Variants in COL25A1 observed in about 807,000 individuals in gnomAD.
COL25A1 encodes the protein collagen type XXV alpha 1 chain, also known as collagen alpha-1(XXV) chain.
In COL25A1, 103 loss-of-function variants were observed where a neutral mutation model predicts 128.4. The ratio of observed to expected loss-of-function variants is 0.80; its 90% CI spans 0.68 to 0.94. The LOEUF (loss-of-function observed/expected upper bound fraction) is 0.94. Among genes scored for constraint, COL25A1 ranks in the 40% least tolerant of loss-of-function variants. The probability of loss-of-function intolerance (pLI) is 0.00; values close to 1 mark genes in which losing one functional copy is unlikely to be tolerated. For missense variants in COL25A1, 745 were observed against 840.0 expected (o/e 0.89, Z 1.40); for synonymous variants, 279 against 277.2 (o/e 1.01, Z -0.06).
chr4:109,027,020 T>G (rs942966500), intron 5 of COL25A1, among the ~76,000 whole-genome samples: 2 of 152,198 alleles, frequency 1.3e-5, no homozygotes, highest in Non-Finnish European at 2.9e-5. Flanking sequence ...GTGAGAGGAA[T>G]AAAATTGATT....
Position 108,984,685 on chromosome 4 carries a change from G to A in COL25A1, c.439-10126C>T, listed in dbSNP as rs547692312. On this transcript the variant is annotated intron_variant, in intron 6 of 37. Transcript: ENST00000399132. ...GAGCCCACGCCCACCCGGAACTCCC[G>A]CTGGCCCGCAAGCACCGCGCGCAGC... 2.4e-3 allele frequency among the ~76,000 whole-genome samples: 370 copies of A among 152,316 alleles called. 2 individuals are homozygous for A. Among genetic ancestry groups the A allele is most frequent in the African/African-American group, 8.2e-3 (342 of 41,588 alleles).
intron 3 of COL25A1, among the ~76,000 whole-genome samples, chr4:109,269,557 A>G (rs1782051520): frequency 6.7e-6 from 1 of 149,818 alleles, no homozygotes; most frequent in African/African-American, 2.5e-5. Flanking sequence ...CAACAGTGTA[A>G]AAGTGTTCCT....
rs753318744 is a variant in COL25A1 at position 108,846,127 on chromosome 4, G to A, written c.1515+12C>T. The stretch of plus-strand genomic sequence containing the variant: ...TATAAAAAGTATAAACAAACAGAAA[G>A]TATAAACATACCGGTAATCCAGGAA... On this transcript the variant is annotated intron_variant, in intron 28 of 37. Coordinates refer to ENST00000399132, the MANE Select transcript of COL25A1 (RefSeq NM_198721.4). 12 of 1,556,220 alleles carry A rather than the reference G, an allele frequency of 7.7e-6. No individual in the cohort carries two copies. In the Admixed American group the frequency reaches 1.8e-4, roughly 24 times the overall value.
chr4:109,202,504 A>G (rs1285795699), intron 3 of COL25A1, among the ~76,000 whole-genome samples: 1 of 152,204 alleles, frequency 6.6e-6, no homozygotes, highest in Non-Finnish European at 1.5e-5. Context: ...GCAACACTAT[A>G]AAACTCCTAG....
chr4:109,068,657 T>C (rs1762662868), intron 3 of COL25A1, among the ~76,000 whole-genome samples: 1 of 152,206 alleles, frequency 6.6e-6, no homozygotes, highest in African/African-American at 2.4e-5. Context: ...GCCTGGATTA[T>C]AATTCTATCA....
chr4:109,269,333 T>C (rs1239095296), intron 3 of COL25A1, among the ~76,000 whole-genome samples: 1 of 148,690 alleles, frequency 6.7e-6, no homozygotes, highest in Non-Finnish European at 1.5e-5. Flanking sequence ...AGTCTATCAT[T>C]GTTGGACATT....
intron 3 of COL25A1, among the ~76,000 whole-genome samples, chr4:109,169,828 T>C (rs1560804683): frequency 6.6e-6 from 1 of 152,178 alleles, no homozygotes; most frequent in African/African-American, 2.4e-5. Context: ...AATTTTCTTA[T>C]TACACAGCCT....
intron 3 of COL25A1, among the ~76,000 whole-genome samples, chr4:109,092,947 T>C (rs1220600657): frequency 6.6e-6 from 1 of 152,094 alleles, no homozygotes; most frequent in Non-Finnish European, 1.5e-5. Context: ...ATTGTGAAGA[T>C]TGAAGGTTAA....
At chr4:109,258,496 C>A (rs528219164) in intron 3 of COL25A1, among the ~76,000 whole-genome samples, 1 of 152,124 alleles carries the variant, frequency 6.6e-6, no homozygotes, top group Admixed American at 6.5e-5. Flanking sequence ...GACTAAAATA[C>A]GTAAAACACT....
intron 13 of COL25A1, among the ~76,000 whole-genome samples, chr4:108,904,214 T>C (rs1452763176): frequency 6.6e-6 from 1 of 152,154 alleles, no homozygotes; most frequent in South Asian, 2.1e-4. Flanking sequence ...CGTTCTACTC[T>C]GGACTGAATG....
intron 3 of COL25A1, among the ~76,000 whole-genome samples, chr4:109,222,286 TCTC>T (rs1778485647): frequency 6.6e-6 from 1 of 151,826 alleles, no homozygotes; most frequent in African/African-American, 2.4e-5. Context: ...ATGGTCTCGA[TCTC>T]CTGACCTCGT....
At chr4:108,993,751 T>C (rs1229938227) in intron 6 of COL25A1, among the ~76,000 whole-genome samples, 1 of 151,360 alleles carries the variant, frequency 6.6e-6, no homozygotes, top group African/African-American at 2.4e-5. Context: ...TCCCAGCTAC[T>C]CCAGAGGCTG....
At chr4:108,949,530 A>C (rs947492097) in intron 8 of COL25A1, among the ~76,000 whole-genome samples, 1 of 150,660 alleles carries the variant, frequency 6.6e-6, no homozygotes, top group African/African-American at 2.5e-5. Flanking sequence ...ATTTTCCATA[A>C]ATTTTTCTTT....
At chr4:109,277,550 T>A (rs1202354046) in intron 3 of COL25A1, among the ~76,000 whole-genome samples, 2 of 152,204 alleles carry the variant, frequency 1.3e-5, no homozygotes, top group Non-Finnish European at 2.9e-5. Flanking sequence ...TTGTCCTATA[T>A]GAAAATATCA....
intron 3 of COL25A1, among the ~76,000 whole-genome samples, chr4:109,264,606 G>A (rs568270157): frequency 9.2e-5 from 14 of 152,336 alleles, no homozygotes; most frequent in Admixed American, 9.1e-4. Flanking sequence ...TGTGAACGAT[G>A]AGCATCATTC....
At chr4:108,941,085 CA>C (rs926882063) in intron 9 of COL25A1, among the ~76,000 whole-genome samples, 1 of 151,994 alleles carries the variant, frequency 6.6e-6, no homozygotes, top group African/African-American at 2.4e-5. Context: ...TATAAATTAC[CA>C]AATCTAGAGA....
At chr4:109,043,187 C>T (rs912909860) in intron 5 of COL25A1, among the ~76,000 whole-genome samples, 2 of 152,002 alleles carry the variant, frequency 1.3e-5, no homozygotes, top group African/African-American at 4.8e-5. Context: ...TGTTAAGTGA[C>T]ACATGGTAGG....
At chr4:109,147,386 C>T (rs1236602125) in intron 3 of COL25A1, among the ~76,000 whole-genome samples, 5 of 152,172 alleles carry the variant, frequency 3.3e-5, no homozygotes, top group African/African-American at 9.7e-5. Flanking sequence ...CTAAGGGAAT[C>T]GCTCACTCCT....
chr4:109,042,489 T>C (rs2125929880), intron 5 of COL25A1, among the ~76,000 whole-genome samples: 1 of 152,126 alleles, frequency 6.6e-6, no homozygotes, highest in East Asian at 1.9e-4. Context: ...CTTTTGCTTC[T>C]ATGGTTTGTT....
Sources: allele counts gnomAD v4.1 joint callset (sites outside exome capture counted in the v4.1 genomes callset), GRCh38; gene constraint gnomAD v4.1.1; transcripts MANE v1.5; gene names NCBI Gene and HGNC (gene_info 2026-07-23, HGNC 2026-07-21).